Variants in COPB1 observed in about 807,000 individuals in gnomAD.
The protein encoded by COPB1 is coatomer subunit beta.
COPB1 carries 21 observed loss-of-function variants against 108.7 expected under a neutral mutation model. The ratio of observed to expected loss-of-function variants is 0.19; its 90% confidence interval spans 0.14 to 0.28. The LOEUF (loss-of-function observed/expected upper bound fraction) is 0.28. Among genes scored for constraint, COPB1 ranks in the 10% least tolerant of loss-of-function variants. The pLI, the probability that COPB1 is intolerant of heterozygous loss-of-function variation, is 1.00. For synonymous variants in COPB1, 378 were observed against 386.8 expected, an observed-to-expected ratio of 0.98 and a Z score of 0.27; for missense variants, 919 against 1,141.3, an observed-to-expected ratio of 0.81 and a Z score of 2.81.
intron 17 of COPB1, among the ~76,000 whole-genome samples, 174 bp downstream of exon 17, chr11:14,466,108 G>A (rs1195498945): frequency 6.6e-6 from 1 of 152,166 alleles, no homozygotes; most frequent in African/African-American, 2.4e-5. Context: ...TATGACAGAG[G>A]TTCAGAAAAC....
At chr11:14,483,269 G>T in intron 7 of COPB1, 118 bp from the exon 8 acceptor site, 1 of 540,774 alleles carries the variant, frequency 1.8e-6, no homozygotes, top group Non-Finnish European at 3.1e-6. Flanking sequence ...CTCCCATGAA[G>T]CCAAAATACA....
chr11:14,482,962 C>A, intron 8 of COPB1, 70 bp downstream of exon 8: 6 of 1,388,712 alleles, frequency 4.3e-6, no homozygotes, highest in Non-Finnish European at 5.8e-6. Flanking sequence ...CCAAGATGGG[C>A]AAAGCTTGAG....
intron 7 of COPB1, among the ~76,000 whole-genome samples, chr11:14,483,506 G>C (rs1187426488): frequency 6.6e-6 from 1 of 152,038 alleles, no homozygotes; most frequent in Non-Finnish European, 1.5e-5. Flanking sequence ...ATCCCAAGAA[G>C]TACATCGATT....
chr11:14,481,988 C>T (rs750815790), intron 8 of COPB1, among the ~76,000 whole-genome samples: 181 of 152,192 alleles, frequency 1.2e-3, no homozygotes, highest in Non-Finnish European at 7.8e-4. Flanking sequence ...GGGAGGGTTT[C>T]ACCATATTTG....
intron 1 of COPB1, among the ~76,000 whole-genome samples, chr11:14,499,247 C>G (rs1355112701): frequency 6.6e-6 from 1 of 152,128 alleles, no homozygotes; most frequent in Non-Finnish European, 1.5e-5. Flanking sequence ...GTCCCCCCAG[C>G]CACACCCCAC....
intron 16 of COPB1, among the ~76,000 whole-genome samples, chr11:14,467,593 T>C (rs964072061): frequency 5.3e-5 from 8 of 152,224 alleles, no homozygotes; most frequent in African/African-American, 1.9e-4. Context: ...TACATCTGTG[T>C]TAACAGCAGC....
chr11:14,494,446 CA>C lies in COPB1; in HGVS notation c.92-8del. The stretch of plus-strand genomic sequence containing the variant: ...GACTTTACATCTCCTTTTTCTGAAT[CA>C]AAAATTTTTTTAAAAAAAAGCACAA... On this transcript the variant is annotated splice_region_variant and splice_polypyrimidine_tract_variant and intron_variant, in intron 2 of 21. Coordinates refer to ENST00000439561, the MANE Select transcript of COPB1 (RefSeq NM_001144061.2). The C allele has an allele frequency of 3.6e-6, 5 of 1,407,804 alleles. No homozygotes were observed. Among genetic ancestry groups the C allele is most frequent in the Admixed American group, 2.2e-5 (1 of 45,074 alleles). The allele number at this position is 1,407,804 out of a possible 1,614,324, so 87.2% of individuals were successfully genotyped here.
intron 14 of COPB1, among the ~76,000 whole-genome samples, chr11:14,469,927 C>A (rs1850365496): frequency 1.3e-5 from 2 of 152,164 alleles, no homozygotes; most frequent in Admixed American, 1.3e-4. Context: ...CATTTGCTTA[C>A]CTATTCTGTA....
chr11:14,460,437 T>C, intron 19 of COPB1, 140 bp from the exon 20 acceptor site: 1 of 582,554 alleles, frequency 1.7e-6, no homozygotes, highest in South Asian at 2.2e-5. Context: ...ATAACATCTA[T>C]AAAATCCAAC....
At chr11:14,486,224 G>GT (rs1850770772) in intron 7 of COPB1, 143 bp downstream of exon 7, 1 of 932,304 alleles carries the variant, frequency 1.1e-6, no homozygotes, top group Non-Finnish European at 1.6e-6. Context: ...GCTGAACAAT[G>GT]TAAGGCATCA....
At chr11:14,484,546 T>C (rs891886449) in intron 7 of COPB1, among the ~76,000 whole-genome samples, 6 of 152,054 alleles carry the variant, frequency 3.9e-5, no homozygotes, top group African/African-American at 2.4e-5. Flanking sequence ...GGTGAAACCC[T>C]GTCTCTACCG....
At chr11:14,474,924 C>T (rs556685207) in intron 13 of COPB1, among the ~76,000 whole-genome samples, 5 of 151,736 alleles carry the variant, frequency 3.3e-5, no homozygotes, top group African/African-American at 7.2e-5. Flanking sequence ...GGTGAAACCC[C>T]GTCTCTACTA....
At chr11:14,480,691 C>G in intron 10 of COPB1, 68 bp downstream of exon 10, 3 of 1,475,270 alleles carry the variant, frequency 2.0e-6, no homozygotes, top group Non-Finnish European at 2.8e-6. Context: ...TGGAGTTTGT[C>G]AAATAACTAT....
At chr11:14,496,207 A>C (rs529218552) in intron 2 of COPB1, among the ~76,000 whole-genome samples, 3 of 152,250 alleles carry the variant, frequency 2.0e-5, no homozygotes, top group African/African-American at 7.2e-5. Flanking sequence ...AGTTGTATTT[A>C]TTTTTAGCAG....
At chr11:14,474,641 A>G in intron 13 of COPB1, 26 bp from the exon 14 acceptor site, 1 of 1,611,726 alleles carries the variant, frequency 6.2e-7, no homozygotes, top group East Asian at 2.2e-5. Context: ...GGAAAATCAA[A>G]CCCACCAACT....
rs1850509293 is a variant in COPB1 at position 14,475,876 on chromosome 11, C to G, written c.1525G>C (p.Gly509Arg). The change falls in exon 13 of 22, where the codon GGG becomes CGG. Residue 509 changes from glycine (G) to arginine (R), a missense_variant. Physicochemically the swap from Gly to Arg is moderately radical, Grantham distance 125. Coordinates refer to ENST00000439561, the MANE Select transcript of COPB1 (RefSeq NM_001144061.2). ...TCAGTAACCAATTTCTGAACTGGCC[C>G]TACAGTTATTTCTTCTTCAGGTTTT... ...ELKPEEEITV[G>R]PVQKLVTEMG... 6.2e-7 allele frequency: 1 copy of G among 1,613,224 alleles called. No individual in the cohort carries two copies. The highest frequency in any genetic ancestry group is 8.5e-7 in the Non-Finnish European group (1 of 1,179,694).
In COPB1 at chr11:14,483,012, C is replaced by T. The variant is rs746233889; in HGVS notation, c.957+20G>A. ...GAAAAACATTTTATTTAGGATCTCT[C>T]TTTTTCAGATAACACTTACCTGTAG... On this transcript the variant is annotated intron_variant, in intron 8 of 21. Transcript: ENST00000439561. 3 of 1,519,982 alleles carry T rather than the reference C, an allele frequency of 2.0e-6. No homozygotes were observed. Among genetic ancestry groups the T allele is most frequent in the South Asian group, 1.2e-5 (1 of 80,474 alleles). 94.2% of individuals were successfully genotyped at this position (1,519,982 alleles called of 1,614,324 possible).
At chr11:14,464,538 A>T (rs903718830) in intron 18 of COPB1, among the ~76,000 whole-genome samples, 9 of 152,106 alleles carry the variant, frequency 5.9e-5, no homozygotes. Flanking sequence ...GCAACAAATG[A>T]CTCAGGTAAA....
chr11:14,458,225 T>C (rs1850070745), intron 21 of COPB1, among the ~76,000 whole-genome samples: 1 of 151,434 alleles, frequency 6.6e-6, no homozygotes, highest in Non-Finnish European at 1.5e-5. Context: ...GATTACCGGG[T>C]GTGCGCTACA....
Sources: gnomAD v4.1 joint callset for allele counts (sites outside exome capture counted in the v4.1 genomes callset) on GRCh38, gnomAD v4.1.1 for gene constraint, MANE v1.5 for transcripts, NCBI Gene and HGNC (gene_info 2026-07-23, HGNC 2026-07-21) for gene names.